The following NPAS3 variants were observed in gnomAD, a reference collection of about 807,000 sequenced individuals.
NPAS3 encodes the protein neuronal PAS domain protein 3, also known as neuronal PAS domain-containing protein 3.
A neutral mutation model predicts 73.1 loss-of-function variants in NPAS3; 14 were observed. The observed-to-expected ratio is 0.19, with a 90% CI of 0.13 to 0.30. The LOEUF (loss-of-function observed/expected upper bound fraction) is 0.30. Among genes scored for constraint, NPAS3 ranks in the 10% least tolerant of loss-of-function variants. NPAS3 has a pLI of 1.00. For synonymous variants in NPAS3, 620 were observed against 541.5 expected (o/e 1.14, Z -2.01); for missense variants, 1,096 against 1,250.0 (o/e 0.88, Z 1.86).
chr14:33,619,913 G>A (rs1444478835), intron 5 of NPAS3, among the ~76,000 whole-genome samples: 1 of 152,156 alleles, frequency 6.6e-6, no homozygotes, highest in Admixed American at 6.6e-5. Context: ...GTTTTGAAAA[G>A]GTCTTGTGAT....
At chr14:33,603,684 A>G (rs1354266558) in intron 5 of NPAS3, among the ~76,000 whole-genome samples, 2 of 152,200 alleles carry the variant, frequency 1.3e-5, no homozygotes, top group Non-Finnish European at 2.9e-5. Context: ...TTCTTAACCT[A>G]GAATTCTATG....
intron 6 of NPAS3, among the ~76,000 whole-genome samples, chr14:33,718,680 C>G (rs7159924): frequency 0.42 from 63,286 of 152,050 alleles, 14,205 homozygotes; most frequent in Non-Finnish European, 0.51. Context: ...ACAAATGTTT[C>G]CTGGTCAAAT....
chr14:33,800,098 C>A lies in NPAS3; in HGVS notation c.1791C>A (p.His597Gln), dbSNP rs760726484. Reference sequence around the variant, plus strand: ...CGGGCGCGCAGGCCTCCAGCAAGCACCAGAAGCGCAAGAAAAGGCGGAAAC... The same window carrying A: ...CGGGCGCGCAGGCCTCCAGCAAGCAACAGAAGCGCAAGAAAAGGCGGAAAC... The change falls in exon 12 of 12, where the codon CAC (histidine) becomes CAA (glutamine). Residue 597 changes from histidine to glutamine, a missense_variant. His to Gln is a conservative substitution (Grantham distance 24, BLOSUM62 0). Transcript: ENST00000356141. This position sits in a 1 kb window ranked among gnomAD's most constrained non-coding sequence, Gnocchi z 6.5. 1.9e-6 allele frequency: 3 copies of A among 1,589,448 alleles called. No homozygotes were observed. In the East Asian group the frequency reaches 6.8e-5, roughly 36 times the overall value.
chr14:33,562,899 G>GCACACACACACGCA (rs2055720248), intron 5 of NPAS3, among the ~76,000 whole-genome samples: 1 of 149,736 alleles, frequency 6.7e-6, no homozygotes, highest in South Asian at 2.1e-4. Context: ...TCTTTTATGA[G>GCACACACACACGCA]CACACACACA....
intron 5 of NPAS3, among the ~76,000 whole-genome samples, chr14:33,655,529 A>G (rs1377585544): frequency 6.6e-6 from 1 of 152,304 alleles, no homozygotes; most frequent in Non-Finnish European, 1.5e-5. Context: ...GAAAAACAAA[A>G]TATATGACTG....
At chr14:33,650,578 A>G (rs533655025) in intron 5 of NPAS3, among the ~76,000 whole-genome samples, 2 of 152,316 alleles carry the variant, frequency 1.3e-5, no homozygotes, top group East Asian at 3.9e-4. Flanking sequence ...CCACGTGCAC[A>G]TTATTCATCC....
Position 33,407,346 on chromosome 14 carries a change from T to C in NPAS3, c.468+40078T>C, listed in dbSNP as rs114350617. On this transcript the variant is annotated intron_variant, in intron 4 of 11. Coordinates refer to ENST00000356141, the Ensembl canonical transcript of NPAS3. ...TCTTTTTCTCTAGGGATTTTGGTACTACTTGTAAAGCTCCTCAGAGGAAAA... is the reference window on the plus strand; with the variant it reads ...TCTTTTTCTCTAGGGATTTTGGTACCACTTGTAAAGCTCCTCAGAGGAAAA... Among the ~76,000 whole-genome samples, 114 of 152,288 alleles carry C rather than the reference T, an allele frequency of 7.5e-4. 1 individual carries two copies. Among genetic ancestry groups the C allele is most frequent in the African/African-American group, 2.5e-3 (102 of 41,580 alleles).
At chr14:33,780,606 T>C (rs897173688) in intron 9 of NPAS3, 2 of 454,580 alleles carry the variant, frequency 4.4e-6, no homozygotes, top group African/African-American at 2.0e-5. Flanking sequence ...TGCATCATGC[T>C]ATCTCTCTGG....
chr14:33,347,933 C>T (rs1482073067), intron 3 of NPAS3, among the ~76,000 whole-genome samples: 5 of 151,752 alleles, frequency 3.3e-5, no homozygotes, highest in Non-Finnish European at 7.4e-5. Context: ...CAGGATCAGC[C>T]AATGCAGAGG....
intron 1 of NPAS3, among the ~76,000 whole-genome samples, chr14:32,971,435 A>T (rs898163666): frequency 3.3e-5 from 5 of 152,162 alleles, no homozygotes; most frequent in Non-Finnish European, 7.3e-5. Context: ...TAAAATAAAG[A>T]TAGTTTTTAA....
At chr14:33,374,566 A>G (rs1475930148) in intron 4 of NPAS3, among the ~76,000 whole-genome samples, 1 of 152,086 alleles carries the variant, frequency 6.6e-6, no homozygotes, top group African/African-American at 2.4e-5. Flanking sequence ...TTACTGTTTC[A>G]GTATTGCTAG....
At chr14:33,697,758 T>C (rs940358773) in intron 6 of NPAS3, among the ~76,000 whole-genome samples, 8 of 152,226 alleles carry the variant, frequency 5.3e-5, no homozygotes, top group Non-Finnish European at 1.2e-4. Context: ...CTTCCTTTTT[T>C]CCACCCAGTG....
At chr14:33,047,879 T>G (rs551968304) in intron 1 of NPAS3, among the ~76,000 whole-genome samples, 2 of 152,338 alleles carry the variant, frequency 1.3e-5, no homozygotes, top group African/African-American at 4.8e-5. Flanking sequence ...TTTCTTCCAT[T>G]GTAACTCTGA....
intron 4 of NPAS3, among the ~76,000 whole-genome samples, chr14:33,541,970 T>C (rs1595117784): frequency 6.6e-6 from 1 of 152,192 alleles, no homozygotes; most frequent in East Asian, 1.9e-4. Flanking sequence ...CTGAGGCAGG[T>C]TAGCCTCCGT....
In NPAS3 at chr14:33,800,075, GGC is replaced by G; in HGVS notation, c.1773_1774del (p.Gln592GlyfsTer69). 6.3e-7 allele frequency: 1 copy of G among 1,598,140 alleles called. No individual in the cohort carries two copies. Among genetic ancestry groups the G allele is most frequent in the Non-Finnish European group, 8.5e-7 (1 of 1,175,792 alleles). On this transcript the variant is annotated frameshift_variant, in exon 12 of 12. Coordinates refer to ENST00000356141, the Ensembl canonical transcript of NPAS3. LOFTEE classifies it high-confidence loss of function. This position sits in a 1 kb window ranked among gnomAD's most constrained non-coding sequence, Gnocchi z 6.5. Reference sequence around the variant, plus strand: ...GGACTCGGACAGCGCAGGCGAGGCGGGCGCGCAGGCCTCCAGCAAGCACCAGA... The same window carrying G: ...GGACTCGGACAGCGCAGGCGAGGCGGGCGCAGGCCTCCAGCAAGCACCAGA...
intron 1 of NPAS3, among the ~76,000 whole-genome samples, chr14:32,956,812 A>G (rs1467919941): frequency 6.6e-6 from 1 of 152,250 alleles, no homozygotes; most frequent in South Asian, 2.1e-4. Flanking sequence ...ATGTTTATGT[A>G]TATACCTAAG....
intron 2 of NPAS3, among the ~76,000 whole-genome samples, chr14:33,197,941 G>A (rs2046436315): frequency 6.6e-6 from 1 of 152,180 alleles, no homozygotes; most frequent in East Asian, 1.9e-4. Flanking sequence ...TCCTTCTGAT[G>A]TTCGGACGTG....
chr14:33,445,932 C>CTTTT (rs386381059), intron 4 of NPAS3, among the ~76,000 whole-genome samples: 26 of 134,386 alleles, frequency 1.9e-4, no homozygotes, highest in Non-Finnish European at 2.7e-4. Flanking sequence ...GAGTGTTGCA[C>CTTTT]TTTTTTTTTT....
At chr14:33,697,316 G>A (rs1232646344) in intron 6 of NPAS3, among the ~76,000 whole-genome samples, 1 of 152,174 alleles carries the variant, frequency 6.6e-6, no homozygotes, top group Non-Finnish European at 1.5e-5. Context: ...GACTCACACA[G>A]CCAGAGCTTA....
Sources: gnomAD v4.1 joint callset for allele counts (sites outside exome capture counted in the v4.1 genomes callset) on GRCh38, gnomAD v4.1.1 for gene constraint, Gnocchi (gnomAD v3.1) non-coding constraint, MANE v1.5 for transcripts, NCBI Gene and HGNC (gene_info 2026-07-23, HGNC 2026-07-21) for gene names.